MOCS1: variants seen among roughly 807,000 people sequenced by gnomAD.
The protein encoded by MOCS1 is molybdenum cofactor biosynthesis protein 1.
Under a neutral mutation model 57.6 loss-of-function variants are expected in MOCS1, and 39 were observed. That is an observed-to-expected ratio of 0.68 (90% CI 0.52 to 0.88). The LOEUF is 0.88. MOCS1 is among the 40% of genes least tolerant of loss of function. The pLI is 0.00. For synonymous variants in MOCS1, 334 were observed against 335.7 expected, an observed-to-expected ratio of 1.00 and a Z score of 0.05; for missense variants, 795 against 831.1, an observed-to-expected ratio of 0.96 and a Z score of 0.53.
Position 39,934,284 on chromosome 6 carries a change from G to A in MOCS1, c.123+11C>T. The A allele has an allele frequency of 6.5e-7, 1 of 1,539,748 alleles. No individual in the cohort carries two copies. The highest frequency in any genetic ancestry group is 8.7e-7 in the Non-Finnish European group (1 of 1,148,650). On this transcript the variant is annotated intron_variant, in intron 1 of 10. Transcript: ENST00000340692. ...CCCGGGAAGCTGTGGACGCAGGCGG[G>A]GTGGGCTCACCTCCGAGGCAGCTCG...
chr6:39,908,362 G>A (rs1319498239), intron 10 of MOCS1, among the ~76,000 whole-genome samples: 2 of 152,066 alleles, frequency 1.3e-5, no homozygotes, highest in Non-Finnish European at 2.9e-5. Context: ...TCTGGGCACC[G>A]TGACAGAGGG....
chr6:39,912,164 C>G, intron 8 of MOCS1, 100 bp downstream of exon 8: 2 of 939,030 alleles, frequency 2.1e-6, no homozygotes, highest in Non-Finnish European at 3.5e-6. Context: ...CCCCCGACAC[C>G]GTGCCCTGCC....
chr6:39,905,597 G>T lies in MOCS1; in HGVS notation c.*760C>A, dbSNP rs543452717. 1.7e-5 allele frequency: 8 copies of T among 471,190 alleles called. No homozygotes were observed. The highest frequency in any genetic ancestry group is 1.6e-4 in the African/African-American group (8 of 50,188). 29.2% of individuals were successfully genotyped at this position (471,190 alleles called of 1,614,324 possible). Reference sequence around the variant, plus strand: ...ATCTATCATCAACTTTTCTTTCCCTGATATGCTCCAGAATAAAGAGGGGTG... The same window carrying T: ...ATCTATCATCAACTTTTCTTTCCCTTATATGCTCCAGAATAAAGAGGGGTG... On this transcript the variant is annotated 3_prime_UTR_variant, in exon 11 of 11. Coordinates refer to ENST00000340692, the MANE Select transcript of MOCS1 (RefSeq NM_001358530.2).
At chr6:39,916,406 A>G (rs752515550) in intron 3 of MOCS1, among the ~76,000 whole-genome samples, 174 bp from the exon 4 acceptor site, 1 of 152,198 alleles carries the variant, frequency 6.6e-6, no homozygotes, top group Non-Finnish European at 1.5e-5. Flanking sequence ...AAACTGACAA[A>G]AACAACCAAA....
intron 8 of MOCS1, 65 bp from the exon 9 acceptor site, chr6:39,910,020 A>G: frequency 6.2e-7 from 1 of 1,603,684 alleles, no homozygotes; most frequent in Non-Finnish European, 8.5e-7. Context: ...GCCTCTGAGG[A>G]GCTAACTCCT....
chr6:39,918,753 A>G (rs1767802287), intron 3 of MOCS1, among the ~76,000 whole-genome samples: 1 of 152,234 alleles, frequency 6.6e-6, no homozygotes, highest in Non-Finnish European at 1.5e-5. Flanking sequence ...CAGGTGGGTC[A>G]TCAAACCAAA....
chr6:39,914,560 T>G (rs1184072397), intron 4 of MOCS1, among the ~76,000 whole-genome samples: 1 of 152,184 alleles, frequency 6.6e-6, no homozygotes, highest in Admixed American at 6.5e-5. Flanking sequence ...AGTTCTCTCA[T>G]GCATCCAATC....
chr6:39,915,044 C>T (rs1342516029), intron 4 of MOCS1, among the ~76,000 whole-genome samples: 6 of 152,168 alleles, frequency 3.9e-5, no homozygotes, highest in Admixed American at 6.5e-5. Flanking sequence ...CTCCTTGAAG[C>T]CCTCCTAGTT....
At chr6:39,911,571 A>T (rs1341525735) in intron 8 of MOCS1, among the ~76,000 whole-genome samples, 1 of 152,182 alleles carries the variant, frequency 6.6e-6, no homozygotes, top group Non-Finnish European at 1.5e-5. Flanking sequence ...CACAGAACAC[A>T]TTCTGAACCA....
chr6:39,917,177 G>C (rs1480561215), intron 3 of MOCS1, among the ~76,000 whole-genome samples: 1 of 152,174 alleles, frequency 6.6e-6, no homozygotes, highest in Non-Finnish European at 1.5e-5. Flanking sequence ...AGGTTTCATT[G>C]ACTCACAGTT....
chr6:39,916,732 G>A (rs1344516918), intron 3 of MOCS1, among the ~76,000 whole-genome samples: 1 of 152,114 alleles, frequency 6.6e-6, no homozygotes, highest in Admixed American at 6.5e-5. Context: ...AATAATGGAA[G>A]GATTTTAAAA....
chr6:39,912,677 C>T (rs966415788), intron 7 of MOCS1, among the ~76,000 whole-genome samples: 1 of 152,176 alleles, frequency 6.6e-6, no homozygotes, highest in Non-Finnish European at 1.5e-5. Context: ...GGAGTGTGTC[C>T]TCTGACATGT....
intron 1 of MOCS1, among the ~76,000 whole-genome samples, chr6:39,931,766 A>G (rs948039657): frequency 1.3e-5 from 2 of 151,980 alleles, no homozygotes; most frequent in Non-Finnish European, 2.9e-5. Context: ...GGCCCCCTGA[A>G]CAGATGGGTG....
chr6:39,919,908 G>A (rs1158798403), intron 3 of MOCS1, among the ~76,000 whole-genome samples: 3 of 152,078 alleles, frequency 2.0e-5, no homozygotes, highest in East Asian at 1.9e-4. Context: ...TCTGGGGTTA[G>A]GTGTTTCATT....
At chr6:39,912,853 C>T (rs758095962) in intron 7 of MOCS1, 39 bp downstream of exon 7, 14 of 1,530,194 alleles carry the variant, frequency 9.1e-6, no homozygotes, top group Middle Eastern at 1.7e-4. Context: ...GAGGTACGAC[C>T]TTCCTCCAGG....
Position 39,912,391 on chromosome 6 carries a change from G to A in MOCS1, c.871-17C>T. 1.3e-6 allele frequency: 2 copies of A among 1,560,540 alleles called. No individual in the cohort carries two copies. The highest frequency in any genetic ancestry group is 2.2e-5 in the East Asian group (1 of 44,608). On this transcript the variant is annotated splice_polypyrimidine_tract_variant and intron_variant, in intron 7 of 10. Coordinates refer to ENST00000340692, the MANE Select transcript of MOCS1 (RefSeq NM_001358530.2). ...TTTAAAGGCCTGGGCAGGGGAGAGT[G>A]GGAGCAAAAGGGCAGTGGAGGGGAT... is the stretch of plus-strand genomic sequence containing the variant.
chr6:39,909,939 T>C lies in MOCS1; in HGVS notation c.998A>G (p.Asn333Ser). The C allele has an allele frequency of 6.2e-7, 1 of 1,613,218 alleles. No individual in the cohort carries two copies. Among genetic ancestry groups the C allele is most frequent in the East Asian group, 2.2e-5 (1 of 44,858 alleles). ...DGNLKVCLFGNSEVSLRDHLR... is the reference protein window; with the variant it reads ...DGNLKVCLFGSSEVSLRDHLR... Reference sequence around the variant, plus strand: ...GTGATCCCGCAGGGATACCTCAGAGTTTCCAAAGAGGCAGACCTACATGTG... The same window carrying C: ...GTGATCCCGCAGGGATACCTCAGAGCTTCCAAAGAGGCAGACCTACATGTG... The change falls in exon 9 of 11, where the codon AAC becomes AGC. Residue 333 changes from asparagine (N) to serine (S), a missense_variant. Around this residue, in one of 3 missense-constraint regions of MOCS1, gnomAD observed 374 missense variants for 422.6 expected, o/e 0.89. Transcript: ENST00000340692.
At chr6:39,931,661 C>T (rs541253221) in intron 1 of MOCS1, among the ~76,000 whole-genome samples, 25 of 152,090 alleles carry the variant, frequency 1.6e-4, no homozygotes, top group Non-Finnish European at 3.1e-4. Context: ...CCTCCTCCCC[C>T]TCATTCTCCC....
chr6:39,905,354 C>T lies in MOCS1; in HGVS notation c.*1003G>A, dbSNP rs374341048. ...CCTACTCCACTTTATTTTCCCATAG[C>T]GGGGCTATACAGAGAGTACACCCTT... is the stretch of plus-strand genomic sequence containing the variant. On this transcript the variant is annotated 3_prime_UTR_variant, in exon 11 of 11. Coordinates refer to ENST00000340692, the MANE Select transcript of MOCS1 (RefSeq NM_001358530.2). 4.7e-4 allele frequency: 217 copies of T among 459,698 alleles called. 1 individual carries two copies. Among genetic ancestry groups the T allele is most frequent in the South Asian group, 1.7e-3 (112 of 64,556 alleles). 28.5% of individuals were successfully genotyped at this position (459,698 alleles called of 1,614,324 possible).
Sources: allele counts gnomAD v4.1 joint callset (sites outside exome capture counted in the v4.1 genomes callset), GRCh38; gene constraint gnomAD v4.1.1; regional missense constraint gnomAD v4.1.1; transcripts MANE v1.5; gene names NCBI Gene and HGNC (gene_info 2026-07-23, HGNC 2026-07-21).